Variants in PALLD observed in about 807,000 individuals in gnomAD.
The protein encoded by PALLD is palladin.
A neutral mutation model predicts 123.5 loss-of-function variants in PALLD; 61 were observed. The observed-to-expected ratio is 0.49, with a 90% CI of 0.40 to 0.61. PALLD has a LOEUF of 0.61. Among genes scored for constraint, PALLD ranks in the 20% least tolerant of loss-of-function variants. The probability of loss-of-function intolerance (pLI) is 0.00; values close to 1 mark genes in which losing one functional copy is unlikely to be tolerated. For missense variants in PALLD, 1,273 were observed against 1,377.0 expected, an observed-to-expected ratio of 0.92 and a Z score of 1.20; for synonymous variants, 465 against 496.4, an observed-to-expected ratio of 0.94 and a Z score of 0.84.
rs1350555262 is a variant in PALLD, at chr4:168,785,844, GAGATATATATAT to G, written c.1964+73923_1964+73934del. ...ACAGAGTCAGTTCTAATAAACTGTA[GAGATATATATAT>G]ATATATATATATATATATATAGCAT... On this transcript the variant is annotated intron_variant, in intron 10 of 21. Coordinates refer to ENST00000505667, the MANE Select transcript of PALLD (RefSeq NM_001166108.2). Among the ~76,000 whole-genome samples the G allele has an allele frequency of 3.6e-3, 190 of 53,216 alleles. 1 individual carries two copies. The highest frequency in any genetic ancestry group is 9.4e-3 in the African/African-American group (166 of 17,660). The allele number at this position is 53,216 out of a possible 152,430, so 34.9% of individuals were successfully genotyped here. A position where few individuals can be genotyped will look rare whatever the true frequency, so the allele number is the denominator to read the frequency against.
At chr4:168,873,232 C>G (rs1001226766) in intron 10 of PALLD, among the ~76,000 whole-genome samples, 1 of 152,088 alleles carries the variant, frequency 6.6e-6, no homozygotes, top group Non-Finnish European at 1.5e-5. Flanking sequence ...AGTGTTTGGC[C>G]AGGTGCTGTG....
At chr4:168,794,510 A>G (rs62334307) in intron 10 of PALLD, among the ~76,000 whole-genome samples, 45,730 of 142,794 alleles carry the variant, frequency 0.32, 7,619 homozygotes, top group Non-Finnish European at 0.41. Flanking sequence ...ACACACGCAC[A>G]CACACACACA....
chr4:168,715,543 C>T (rs1785266366), intron 10 of PALLD, among the ~76,000 whole-genome samples: 1 of 152,208 alleles, frequency 6.6e-6, no homozygotes, highest in Non-Finnish European at 1.5e-5. Flanking sequence ...AACTTATACA[C>T]TATTCTTTTC....
chr4:168,675,323 T>G (rs948582807), intron 3 of PALLD, among the ~76,000 whole-genome samples: 2 of 152,172 alleles, frequency 1.3e-5, no homozygotes, highest in Non-Finnish European at 2.9e-5. Flanking sequence ...CAGGTCCTGT[T>G]AGACACAGGT....
intron 8 of PALLD, among the ~76,000 whole-genome samples, chr4:168,703,888 T>G (rs973198260): frequency 4.0e-5 from 6 of 149,256 alleles, no homozygotes; most frequent in Non-Finnish European, 3.0e-5. Flanking sequence ...TAGTTTCTTT[T>G]GCCGTGCAGA....
chr4:168,713,553 C>T (rs1426434084), intron 10 of PALLD, among the ~76,000 whole-genome samples: 2 of 152,120 alleles, frequency 1.3e-5, no homozygotes, highest in Non-Finnish European at 1.5e-5. Context: ...GAGGCATCTA[C>T]AGCCCGTCTT....
At chr4:168,557,027 ACTTGTT>A (rs1767384502) in intron 2 of PALLD, among the ~76,000 whole-genome samples, 1 of 89,630 alleles carries the variant, frequency 1.1e-5, no homozygotes, top group African/African-American at 3.6e-5. Context: ...TCACATTTCC[ACTTGTT>A]TTTGTTTTGT....
chr4:168,812,935 C>T lies in PALLD; in HGVS notation c.1965-77987C>T, dbSNP rs566812023. Among the ~76,000 whole-genome samples, 8 of 152,202 alleles carry T rather than the reference C, an allele frequency of 5.3e-5. No individual in the cohort carries two copies. In the East Asian group the frequency reaches 1.5e-3, roughly 29 times the overall value. On this transcript the variant is annotated intron_variant, in intron 10 of 21. Transcript: ENST00000505667. ...CTAAAATTTGTACTGGTCCCCAGCC[C>T]CCGTGTAGATTCATCAGCGAGATCC...
chr4:168,558,590 C>T (rs565044659), intron 2 of PALLD, among the ~76,000 whole-genome samples: 7 of 152,160 alleles, frequency 4.6e-5, no homozygotes, highest in African/African-American at 1.4e-4. Flanking sequence ...ATCCTTGATG[C>T]GCTGAAGGGC....
chr4:168,923,505 AAAC>A (rs1761983867), intron 18 of PALLD, among the ~76,000 whole-genome samples: 1 of 152,202 alleles, frequency 6.6e-6, no homozygotes, highest in Non-Finnish European at 1.5e-5. Flanking sequence ...TGATCCAAGA[AAAC>A]AATTTCCCAT....
chr4:168,642,447 G>A (rs189415117), intron 2 of PALLD, among the ~76,000 whole-genome samples: 3 of 151,994 alleles, frequency 2.0e-5, no homozygotes, highest in African/African-American at 7.3e-5. Flanking sequence ...TTTTGCCCAG[G>A]CTGGAGTGAA....
intron 2 of PALLD, among the ~76,000 whole-genome samples, chr4:168,559,609 T>A (rs1240761252): frequency 6.6e-6 from 1 of 152,058 alleles, no homozygotes; most frequent in Non-Finnish European, 1.5e-5. Flanking sequence ...AAGAAAGCAA[T>A]ACATAGGCTG....
intron 2 of PALLD, among the ~76,000 whole-genome samples, chr4:168,610,103 A>G (rs1278427756): frequency 6.6e-6 from 1 of 152,058 alleles, no homozygotes; most frequent in Non-Finnish European, 1.5e-5. Context: ...TTGCTGTTTC[A>G]TGTCTATCTT....
chr4:168,634,298 A>G (rs1005318686), intron 2 of PALLD, among the ~76,000 whole-genome samples: 1 of 152,198 alleles, frequency 6.6e-6, no homozygotes, highest in East Asian at 1.9e-4. Flanking sequence ...AATTTCCAAG[A>G]TGGGCTTCAG....
At chr4:168,637,454 A>G (rs898244326) in intron 2 of PALLD, among the ~76,000 whole-genome samples, 1 of 151,804 alleles carries the variant, frequency 6.6e-6, no homozygotes, top group African/African-American at 2.4e-5. Flanking sequence ...ATTTGGCTCC[A>G]TGTTCTTCCT....
intron 10 of PALLD, among the ~76,000 whole-genome samples, chr4:168,848,034 A>G (rs1056165143): frequency 3.3e-5 from 5 of 152,146 alleles, no homozygotes; most frequent in African/African-American, 1.2e-4. Context: ...AATTTAGCCT[A>G]ATCTACTCAT....
intron 10 of PALLD, among the ~76,000 whole-genome samples, chr4:168,725,260 G>A (rs756480160): frequency 1.2e-4 from 18 of 152,068 alleles, no homozygotes; most frequent in Non-Finnish European, 2.5e-4. Flanking sequence ...GTCAAAAATG[G>A]GTAATTATAT....
At chr4:168,603,662 G>T (rs1330121361) in intron 2 of PALLD, among the ~76,000 whole-genome samples, 3 of 152,126 alleles carry the variant, frequency 2.0e-5, no homozygotes, top group Non-Finnish European at 4.4e-5. Context: ...GTAGGGATAG[G>T]TGTCATTCTC....
intron 10 of PALLD, among the ~76,000 whole-genome samples, chr4:168,852,616 C>G (rs989684347): frequency 1.3e-5 from 2 of 152,146 alleles, no homozygotes; most frequent in Admixed American, 6.5e-5. Flanking sequence ...ACACTCCAGC[C>G]TGGGCAACAG....
Sources: allele counts gnomAD v4.1 joint callset (sites outside exome capture counted in the v4.1 genomes callset), GRCh38; gene constraint gnomAD v4.1.1; transcripts MANE v1.5; gene names NCBI Gene and HGNC (gene_info 2026-07-23, HGNC 2026-07-21).